The following NAB1 variants were observed in gnomAD, a reference collection of about 807,000 sequenced individuals.
NAB1 encodes NGFI-A binding protein 1.
A neutral mutation model predicts 49.9 loss-of-function variants in NAB1; 25 were observed. The ratio of observed to expected loss-of-function variants is 0.50; its 90% CI spans 0.37 to 0.70. NAB1 has a LOEUF of 0.70. Among genes scored for constraint, NAB1 ranks in the 30% least tolerant of loss-of-function variants. NAB1 has a pLI of 0.00. For missense variants in NAB1, 489 were observed against 575.9 expected (o/e 0.85, Z 1.54); for synonymous variants, 198 against 215.6 (o/e 0.92, Z 0.71).
rs1694354307 is a variant in NAB1, at chr2:190,663,900, T to C, written c.819+3905T>C. On this transcript the variant is annotated intron_variant, in intron 4 of 9. Coordinates refer to ENST00000337386, the MANE Select transcript of NAB1 (RefSeq NM_005966.4). This position sits in a 1 kb window ranked among gnomAD's most constrained non-coding sequence, Gnocchi z 4.2. ...AAAAGTGTTTCTTTATTTCCAAATA[T>C]GAGTAATTTTTTTTCCTTATTTTTC... Among the ~76,000 whole-genome samples the C allele has an allele frequency of 6.6e-6, 1 of 152,208 alleles. No homozygotes were observed. Among genetic ancestry groups the C allele is most frequent in the African/African-American group, 2.4e-5 (1 of 41,462 alleles).
chr2:190,672,840 A>G (rs1694883650), intron 5 of NAB1, among the ~76,000 whole-genome samples: 1 of 152,082 alleles, frequency 6.6e-6, no homozygotes, highest in South Asian at 2.1e-4. Flanking sequence ...AGTGGCTTTC[A>G]TACCAAAGCC....
At position 190,687,183 on chromosome 2, in the gene NAB1, C is replaced by CT; in HGVS notation, c.1259-12dup. On this transcript the variant is annotated splice_polypyrimidine_tract_variant and intron_variant, in intron 8 of 9. Transcript: ENST00000337386. ...TATGTTTTTAATATTATGCATATTT[C>CT]TTTTTTCTTTTCATTAGGAGAAAGA... The CT allele has an allele frequency of 1.3e-6, 2 of 1,490,024 alleles. No homozygotes were observed. Among genetic ancestry groups the CT allele is most frequent in the Admixed American group, 2.4e-5 (1 of 41,586 alleles). 92.3% of individuals were successfully genotyped at this position (1,490,024 alleles called of 1,614,324 possible).
chr2:190,683,926 A>G (rs1695480939), intron 7 of NAB1, 99 bp downstream of exon 7: 1 of 907,582 alleles, frequency 1.1e-6, no homozygotes, highest in Non-Finnish European at 1.7e-6. Context: ...CTGAGGCCTG[A>G]CTTTTTATTT....
In NAB1 at chr2:190,675,806, CTCTT is replaced by C. The variant is rs1695040249; in HGVS notation, c.1005+2659_1005+2662del. Reference sequence around the variant, plus strand: ...GTTTGTTTTTAATTTTGTTCTGTTCCTCTTTCTTAAAAAGCACTTGTGTATTGCA... The same window carrying C: ...GTTTGTTTTTAATTTTGTTCTGTTCCTCTTAAAAAGCACTTGTGTATTGCA... On this transcript the variant is annotated intron_variant, in intron 6 of 9. Coordinates refer to ENST00000337386, the MANE Select transcript of NAB1 (RefSeq NM_005966.4). This position sits in a 1 kb window ranked among gnomAD's most constrained non-coding sequence, Gnocchi z 5.2. Among the ~76,000 whole-genome samples, 1 of 152,072 alleles carries C rather than the reference CTCTT, an allele frequency of 6.6e-6. No homozygotes were observed. The highest frequency in any genetic ancestry group is 1.5e-5 in the Non-Finnish European group (1 of 68,008).
At position 190,664,535 on chromosome 2, in the gene NAB1, TTCC is replaced by T. The variant is rs1694394508; in HGVS notation, c.819+4542_819+4544del. Among the ~76,000 whole-genome samples, 8 of 36,754 alleles carry T rather than the reference TTCC, an allele frequency of 2.2e-4. No individual in the cohort carries two copies. In the Admixed American group the frequency reaches 2.9e-3, roughly 13 times the overall value. 24.1% of individuals were successfully genotyped at this position (36,754 alleles called of 152,430 possible). A position where few individuals can be genotyped will look rare whatever the true frequency, so the allele number is the denominator to read the frequency against. On this transcript the variant is annotated intron_variant, in intron 4 of 9. Coordinates refer to ENST00000337386, the MANE Select transcript of NAB1 (RefSeq NM_005966.4). ...TTTCTTTCTTTTCTTTTTTCCTTCC[TTCC>T]TTCCTTCCTTCCTTCCTTCCTTTCT... is the stretch of plus-strand genomic sequence containing the variant.
Position 190,689,551 on chromosome 2 carries a change from A to G in NAB1, c.1376-694A>G, listed in dbSNP as rs901206928. ...TTTGCATGTATATGTGTGTGTACAT[A>G]TCTCCCAGTATTTGTACTTTACATA... On this transcript the variant is annotated intron_variant, in intron 9 of 9. Transcript: ENST00000337386. This position sits in a 1 kb window ranked among gnomAD's most constrained non-coding sequence, Gnocchi z 4.3. 2.6e-5 allele frequency among the ~76,000 whole-genome samples: 4 copies of G among 152,176 alleles called. No homozygotes were observed. Among genetic ancestry groups the G allele is most frequent in the Admixed American group, 6.5e-5 (1 of 15,282 alleles).
chr2:190,660,974 A>C (rs1484446855), intron 4 of NAB1, among the ~76,000 whole-genome samples: 2 of 149,284 alleles, frequency 1.3e-5, no homozygotes, highest in Non-Finnish European at 3.0e-5. Context: ...TGGGGGTCTC[A>C]CTCTGTCACG....
At chr2:190,653,817 A>G (rs1231967403) in intron 2 of NAB1, 1 of 152,222 alleles carries the variant, frequency 6.6e-6, no homozygotes, top group African/African-American at 2.4e-5. Flanking sequence ...ATGATGTATA[A>G]CACTAACCAC....
At chr2:190,662,270 A>C (rs1336204427) in intron 4 of NAB1, among the ~76,000 whole-genome samples, 2 of 152,226 alleles carry the variant, frequency 1.3e-5, no homozygotes, top group African/African-American at 4.8e-5. Flanking sequence ...GTTCAAGTAC[A>C]TAAGATTATT....
In NAB1 at chr2:190,685,663, C is replaced by A; in HGVS notation, c.1258+25C>A. The A allele has an allele frequency of 6.5e-7, 1 of 1,547,402 alleles. No homozygotes were observed. ...GGTACATCTTTAGAATATCCTATGC[C>A]TTTAGGGCCACTATGTGCACTTCAA... On this transcript the variant is annotated intron_variant, in intron 8 of 9. Coordinates refer to ENST00000337386, the MANE Select transcript of NAB1 (RefSeq NM_005966.4). This position sits in a 1 kb window ranked among gnomAD's most constrained non-coding sequence, Gnocchi z 4.5.
At position 190,651,343 on chromosome 2, in the gene NAB1, C is replaced by G. The variant is rs983318520; in HGVS notation, c.-197+1361C>G. ...ATGAGAAAGTTAATAGATGTTTATT[C>G]TCCTTGTTAGAGAAACACTGAAAGC... On this transcript the variant is annotated intron_variant, in intron 2 of 9. Transcript: ENST00000337386. This position sits in a 1 kb window ranked among gnomAD's most constrained non-coding sequence, Gnocchi z 4.3. Among the ~76,000 whole-genome samples the G allele has an allele frequency of 3.9e-5, 6 of 152,136 alleles. No individual in the cohort carries two copies. Among genetic ancestry groups the G allele is most frequent in the African/African-American group, 1.2e-4 (5 of 41,436 alleles).
intron 9 of NAB1, 77 bp from the exon 10 acceptor site, chr2:190,690,168 T>A: frequency 9.7e-7 from 1 of 1,029,720 alleles, no homozygotes; most frequent in African/African-American, 1.6e-5. Flanking sequence ...AGTTTGGGGG[T>A]TTGTTTTAAA....
intron 4 of NAB1, among the ~76,000 whole-genome samples, chr2:190,662,647 A>G (rs1389802055): frequency 6.6e-6 from 1 of 152,226 alleles, no homozygotes; most frequent in Non-Finnish European, 1.5e-5. Flanking sequence ...CTAATGTTAA[A>G]TCAGTGAATG....
At position 190,659,720 on chromosome 2, in the gene NAB1, G is replaced by A. The variant is rs555592626; in HGVS notation, c.544G>A (p.Ala182Thr). The change falls in exon 4 of 10, where the codon GCG becomes ACG. Residue 182 changes from alanine (A) to threonine (T), a missense_variant. By Grantham distance (58) the Ala-to-Thr change is moderately conservative. This residue lies in a region of NAB1 where 204 missense variants were observed against 220.9 expected (regional missense o/e 0.92). Coordinates refer to ENST00000337386, the MANE Select transcript of NAB1 (RefSeq NM_005966.4). This position sits in a 1 kb window ranked among gnomAD's most constrained non-coding sequence, Gnocchi z 6.2. ...SLSPADLGSPASPKESSEALD... is the reference protein window; with the variant it reads ...SLSPADLGSPTSPKESSEALD... ...CTCCCCAGCAGACCTGGGCTCCCCC[G>A]CGTCCCCAAAGGAGAGCAGTGAGGC... 20 of 1,613,884 alleles carry A rather than the reference G, an allele frequency of 1.2e-5. No individual in the cohort carries two copies. Among genetic ancestry groups the A allele is most frequent in the African/African-American group, 9.3e-5 (7 of 75,034 alleles).
chr2:190,664,633 C>T (rs1345280721), intron 4 of NAB1, among the ~76,000 whole-genome samples: 6 of 97,922 alleles, frequency 6.1e-5, no homozygotes, highest in Non-Finnish European at 7.4e-5. Flanking sequence ...AGGGTTTCCA[C>T]GTTGCCCAGG....
rs574114970 is a variant in NAB1, at chr2:190,684,496, T to C, written c.1095+669T>C. 7.3e-4 allele frequency among the ~76,000 whole-genome samples: 111 copies of C among 152,312 alleles called. No homozygotes were observed. Among genetic ancestry groups the C allele is most frequent in the Middle Eastern group, 3.4e-3 (1 of 294 alleles). On this transcript the variant is annotated intron_variant, in intron 7 of 9. Coordinates refer to ENST00000337386, the MANE Select transcript of NAB1 (RefSeq NM_005966.4). The surrounding 1 kb of genome is among the most constrained non-coding windows in gnomAD (Gnocchi z 4.6). ...TTTACCTCAGATATGCTTATTTAAA[T>C]TTTGTCAATTTAGTAACAAGTTCAA...
rs950367021 is a variant in NAB1, at chr2:190,680,146, C to T, written c.1006-3592C>T. Among the ~76,000 whole-genome samples, 1 of 152,206 alleles carries T rather than the reference C, an allele frequency of 6.6e-6. No individual in the cohort carries two copies. The highest frequency in any genetic ancestry group is 1.5e-5 in the Non-Finnish European group (1 of 68,042). ...GTCACCACCCTGAACTCCCCTCCTC[C>T]GCGTACATTCTCCCCATCACATTCA... On this transcript the variant is annotated intron_variant, in intron 6 of 9. Transcript: ENST00000337386. This position sits in a 1 kb window ranked among gnomAD's most constrained non-coding sequence, Gnocchi z 5.2.
rs757419361 is a variant in NAB1 at position 190,659,601 on chromosome 2, G to A, written c.425G>A (p.Gly142Glu). The change falls in exon 4 of 10, where the codon GGG becomes GAG. Residue 142 changes from glycine (G) to glutamate (E), a missense_variant. This residue lies in a region of NAB1 where 204 missense variants were observed against 220.9 expected (regional missense o/e 0.92). Transcript: ENST00000337386. This position sits in a 1 kb window ranked among gnomAD's most constrained non-coding sequence, Gnocchi z 6.2. ...ATTCVQSLGQ[G>E]KSDVVGSLAL... ...ACCTGTGTGCAGAGCTTGGGACAGG[G>A]GAAGTCAGATGTGGTTGGGAGCCTA... 1.2e-6 allele frequency: 2 copies of A among 1,614,116 alleles called. No homozygotes were observed. The highest frequency in any genetic ancestry group is 2.7e-5 in the African/African-American group (2 of 74,938).
Position 190,685,482 on chromosome 2 carries a change from GA to G in NAB1, c.1106del (p.Lys369ArgfsTer2). On this transcript the variant is annotated frameshift_variant, in exon 8 of 10. Transcript: ENST00000337386. LOFTEE classifies it high-confidence loss of function. This position sits in a 1 kb window ranked among gnomAD's most constrained non-coding sequence, Gnocchi z 4.5. Reference protein sequence around the residue: ...ELAALSSQQPEKVMAKQMEFL... With the variant: ...ELAALSSQQPXKVMAKQMEFL... ...TTTTTGCTTTACTTACTAGCAGCCT[GA>G]AAAGGTGATGGCAAAGCAGATGGAG... 1 of 1,607,524 alleles carries G rather than the reference GA, an allele frequency of 6.2e-7. No homozygotes were observed. The highest frequency in any genetic ancestry group is 8.5e-7 in the Non-Finnish European group (1 of 1,177,886).
Sources: gnomAD v4.1 joint callset for allele counts (sites outside exome capture counted in the v4.1 genomes callset) on GRCh38, gnomAD v4.1.1 for gene constraint, gnomAD v4.1.1 regional missense constraint, Gnocchi (gnomAD v3.1) non-coding constraint, MANE v1.5 for transcripts, NCBI Gene and HGNC (gene_info 2026-07-23, HGNC 2026-07-21) for gene names.